The following PCLAF variants were observed in gnomAD, a reference collection of about 807,000 sequenced individuals.
PCLAF encodes PCNA clamp associated factor, also known as PCNA-associated factor.
A neutral mutation model predicts 15.1 loss-of-function variants in PCLAF; 12 were observed. The ratio of observed to expected loss-of-function variants is 0.79; its 90% confidence interval spans 0.51 to 1.29. PCLAF has a LOEUF of 1.29. Ranked by LOEUF, PCLAF falls within the 50% of genes most tolerant of loss-of-function variation. PCLAF has a pLI of 0.00. For missense variants in PCLAF, 116 were observed against 130.9 expected (o/e 0.89, Z 0.56); for synonymous variants, 33 against 47.1 (o/e 0.70, Z 1.22).
In PCLAF at chr15:64,365,836, A is replaced by T. The variant is rs1334193420; in HGVS notation, c.*194T>A. On this transcript the variant is annotated 3_prime_UTR_variant, in exon 4 of 4. Coordinates refer to ENST00000300035, the MANE Select transcript of PCLAF (RefSeq NM_014736.6). ...AAACAATGCATTATATTGAATACTA[A>T]GCTAAGTTACCATAATTAGTCTTAC... 3.4e-6 allele frequency: 2 copies of T among 590,036 alleles called. No homozygotes were observed. The highest frequency in any genetic ancestry group is 3.8e-5 in the African/African-American group (2 of 53,194). The allele number at this position is 590,036 out of a possible 1,614,324, so 36.6% of individuals were successfully genotyped here.
At chr15:64,381,695 T>C (rs1323589119), upstream of PCLAF, among the ~76,000 whole-genome samples, 1 of 152,200 alleles carries the variant, frequency 6.6e-6, no homozygotes, top group African/African-American at 2.4e-5. Flanking sequence ...GCTAAGTTTC[T>C]GAACTACAGA....
intron 2 of PCLAF, among the ~76,000 whole-genome samples, chr15:64,378,459 A>G (rs1013319102): frequency 4.6e-5 from 7 of 152,180 alleles, no homozygotes; most frequent in East Asian, 1.9e-4. Context: ...AAAAATAGCA[A>G]TGGGGTTTTG....
chr15:64,372,455 A>T (rs1899371284), intron 3 of PCLAF, among the ~76,000 whole-genome samples: 1 of 150,942 alleles, frequency 6.6e-6, no homozygotes, highest in Non-Finnish European at 1.5e-5. Context: ...TCTACTAAAA[A>T]TACAAAAAAT....
chr15:64,366,461 T>C (rs144902105), intron 3 of PCLAF, among the ~76,000 whole-genome samples: 1 of 152,188 alleles, frequency 6.6e-6, no homozygotes. Context: ...ACCAATCCAC[T>C]TTAGCAGAGA....
At chr15:64,374,776 G>A (rs1899531128) in intron 3 of PCLAF, among the ~76,000 whole-genome samples, 1 of 150,910 alleles carries the variant, frequency 6.6e-6, no homozygotes, top group Admixed American at 6.6e-5. Flanking sequence ...AACCCAGGAG[G>A]CAGAGGTTGA....
intron 3 of PCLAF, among the ~76,000 whole-genome samples, chr15:64,370,831 T>C (rs1661319784): frequency 1.2e-3 from 3 of 2,480 alleles, no homozygotes; most frequent in Non-Finnish European, 0.013. Flanking sequence ...ATAAAGTTGT[T>C]TTTTTTTTTT....
chr15:64,367,520 A>AC (rs34364886), intron 3 of PCLAF, among the ~76,000 whole-genome samples: 131,697 of 151,746 alleles, frequency 0.87, 58,039 homozygotes, highest in East Asian at 0.96. Flanking sequence ...ACCCAAAAAA[A>AC]AAAACAAAAA....
At chr15:64,377,423 C>A (rs532511894) in intron 2 of PCLAF, among the ~76,000 whole-genome samples, 1 of 135,240 alleles carries the variant, frequency 7.4e-6, no homozygotes, top group South Asian at 2.4e-4. Context: ...GCCAAGATTG[C>A]GCCGCCACTG....
At chr15:64,370,829 GTTTTTT>G (rs10607183) in intron 3 of PCLAF, among the ~76,000 whole-genome samples, 913 of 85,790 alleles carry the variant, frequency 0.011, 7 homozygotes, top group African/African-American at 0.038. Context: ...TCATAAAGTT[GTTTTTT>G]TTTTTTTTTT....
At chr15:64,381,276 G>A in intron 1 of PCLAF, 50 bp downstream of exon 1, 1 of 1,605,082 alleles carries the variant, frequency 6.2e-7, no homozygotes, top group Non-Finnish European at 8.5e-7. Flanking sequence ...CCGTGGCCAG[G>A]CTGCCGGGAG....
exon 1 of PCLAF, chr15:64,387,634 A>G: frequency 1.4e-6 from 2 of 1,405,650 alleles, no homozygotes; most frequent in Non-Finnish European, 1.8e-6. Context: ...AGCGATTGGC[A>G]AGAATCATGC....
In PCLAF at chr15:64,364,993, A is replaced by ATT. The variant is rs34471598; in HGVS notation, c.*1035_*1036dup. Reference sequence around the variant, plus strand: ...GCCACTGCACTCAGCCTTTTTTAAAATTTTTTTTTTTTTTTTTTTTGAGAC... The same window carrying ATT: ...GCCACTGCACTCAGCCTTTTTTAAAATTTTTTTTTTTTTTTTTTTTTTGAGAC... On this transcript the variant is annotated 3_prime_UTR_variant, in exon 4 of 4. Transcript: ENST00000300035. The ATT allele has an allele frequency of 0.068, 7,976 of 117,188 alleles. 384 individuals are homozygous for ATT. Among genetic ancestry groups the ATT allele is most frequent in the African/African-American group, 0.079 (2,350 of 29,878 alleles). 7.3% of individuals were successfully genotyped at this position (117,188 alleles called of 1,614,324 possible).
At chr15:64,369,424 T>C (rs1310533992) in intron 3 of PCLAF, among the ~76,000 whole-genome samples, 1 of 151,354 alleles carries the variant, frequency 6.6e-6, no homozygotes, top group Non-Finnish European at 1.5e-5. Flanking sequence ...TCCCTTTGGT[T>C]GATTTTTATG....
At chr15:64,385,851 C>T (rs79135125), upstream of PCLAF, among the ~76,000 whole-genome samples, 1,209 of 152,168 alleles carry the variant, frequency 7.9e-3, 15 homozygotes, top group African/African-American at 0.027. Flanking sequence ...GGAGCTGAGA[C>T]ACTCTTCTCA....
At chr15:64,373,745 G>A (rs1899458920) in intron 3 of PCLAF, 13 of 1,535,762 alleles carry the variant, frequency 8.5e-6, no homozygotes, top group African/African-American at 1.4e-5. Context: ...TCAGTGTGCT[G>A]GAGGATGGGT....
At chr15:64,369,703 A>C (rs572856525) in intron 3 of PCLAF, among the ~76,000 whole-genome samples, 4 of 152,196 alleles carry the variant, frequency 2.6e-5, no homozygotes, top group African/African-American at 9.6e-5. Flanking sequence ...TGCATGTGCC[A>C]CCATACCTGG....
intron 1 of PCLAF, among the ~76,000 whole-genome samples, chr15:64,386,772 G>T (rs902461558): frequency 1.3e-5 from 2 of 152,116 alleles, no homozygotes; most frequent in African/African-American, 4.8e-5. Context: ...TAATATTTAT[G>T]CCAATGAAAA....
intron 1 of PCLAF, among the ~76,000 whole-genome samples, chr15:64,386,842 A>G (rs1236221933): frequency 1.3e-5 from 2 of 152,206 alleles, no homozygotes; most frequent in South Asian, 2.1e-4. Context: ...TAAACAGGCT[A>G]GTAGAAATGA....
intron 3 of PCLAF, among the ~76,000 whole-genome samples, chr15:64,370,837 T>G (rs1252304987): frequency 2.0e-5 from 3 of 147,636 alleles, no homozygotes; most frequent in Non-Finnish European, 4.5e-5. Flanking sequence ...TTGTTTTTTT[T>G]TTTTTTTTTT....
Sources: gnomAD v4.1 joint callset for allele counts (sites outside exome capture counted in the v4.1 genomes callset) on GRCh38, gnomAD v4.1.1 for gene constraint, MANE v1.5 for transcripts, NCBI Gene and HGNC (gene_info 2026-07-23, HGNC 2026-07-21) for gene names.